Variants in CDH4 observed in about 807,000 individuals in gnomAD.
CDH4 encodes cadherin 4.
A neutral mutation model predicts 86.0 loss-of-function variants in CDH4; 33 were observed. That is an observed-to-expected ratio of 0.38 (90% CI 0.29 to 0.51). The LOEUF (loss-of-function observed/expected upper bound fraction) is 0.51. CDH4 is among the 20% of genes least tolerant of loss of function. The pLI is 0.86. For synonymous variants in CDH4, 555 were observed against 549.4 expected (o/e 1.01, Z -0.14); for missense variants, 1,114 against 1,307.4 (o/e 0.85, Z 2.28).
chr20:61,720,990 G>A (rs1003483007), intron 2 of CDH4, among the ~76,000 whole-genome samples: 9 of 152,244 alleles, frequency 5.9e-5, no homozygotes, highest in South Asian at 2.1e-4. Context: ...CCGACGTTCC[G>A]AGGGTTCAGC....
intron 2 of CDH4, among the ~76,000 whole-genome samples, chr20:61,356,659 G>C (rs1321656866): frequency 6.6e-6 from 1 of 152,160 alleles, no homozygotes; most frequent in African/African-American, 2.4e-5. Flanking sequence ...TTTTAATTAG[G>C]ATTGTAACAA....
intron 2 of CDH4, among the ~76,000 whole-genome samples, 176 bp from the exon 3 acceptor site, chr20:61,743,387 T>A (rs2088367603): frequency 6.6e-6 from 1 of 152,184 alleles, no homozygotes; most frequent in Non-Finnish European, 1.5e-5. Context: ...CTCTGGCTAA[T>A]TCTCTAGGGG....
intron 8 of CDH4, among the ~76,000 whole-genome samples, chr20:61,901,504 G>A (rs536408894): frequency 9.8e-5 from 15 of 152,392 alleles, no homozygotes; most frequent in Admixed American, 2.6e-4. Flanking sequence ...GTCGGGGGGC[G>A]CAGCAGACCA....
In CDH4 at chr20:61,482,186, G is replaced by A. The variant is rs554523869; in HGVS notation, c.169+227249G>A. On this transcript the variant is annotated intron_variant, in intron 2 of 15. Transcript: ENST00000614565. ...GCAAAGTGCAGATTAATGGAGGCACGGTTCTGTAGGGCCCGGAAGAAGCCA... is the reference window on the plus strand; with the variant it reads ...GCAAAGTGCAGATTAATGGAGGCACAGTTCTGTAGGGCCCGGAAGAAGCCA... 2.6e-5 allele frequency among the ~76,000 whole-genome samples: 4 copies of A among 152,322 alleles called. No homozygotes were observed. In the South Asian group the frequency reaches 6.2e-4, roughly 24 times the overall value.
At chr20:61,849,478 A>G (rs1405608000) in intron 5 of CDH4, among the ~76,000 whole-genome samples, 2 of 152,148 alleles carry the variant, frequency 1.3e-5, no homozygotes, top group Admixed American at 6.5e-5. Context: ...TCCGGGTCTC[A>G]CCAGGCCAAA....
intron 2 of CDH4, among the ~76,000 whole-genome samples, chr20:61,457,038 G>T (rs2085410491): frequency 6.6e-6 from 1 of 152,182 alleles, no homozygotes; most frequent in Non-Finnish European, 1.5e-5. Context: ...TCTCCTTTCA[G>T]AGCGTGAATT....
chr20:61,830,822 C>T (rs896049658), intron 4 of CDH4, among the ~76,000 whole-genome samples: 1 of 152,202 alleles, frequency 6.6e-6, no homozygotes, highest in Non-Finnish European at 1.5e-5. Context: ...TGCTCTTGGT[C>T]GCACGTGCTG....
At chr20:61,296,081 GAGA>G (rs781567791) in intron 2 of CDH4, among the ~76,000 whole-genome samples, 12 of 152,282 alleles carry the variant, frequency 7.9e-5, no homozygotes, top group African/African-American at 2.4e-4. Context: ...AGTGGCCTGC[GAGA>G]AGGAGAGCGG....
chr20:61,414,248 C>T (rs1377285900), intron 2 of CDH4, among the ~76,000 whole-genome samples: 2 of 152,336 alleles, frequency 1.3e-5, no homozygotes, highest in Non-Finnish European at 2.9e-5. Context: ...GGTTTCCCAG[C>T]GTGAATGACC....
At chr20:61,531,472 CAA>C (rs956436259) in intron 2 of CDH4, among the ~76,000 whole-genome samples, 19 of 44,096 alleles carry the variant, frequency 4.3e-4, no homozygotes, top group South Asian at 8.5e-4. Flanking sequence ...GACTGCATCT[CAA>C]AAAAAAAAAA....
In CDH4 at chr20:61,565,209, TGCTCTC is replaced by T. The variant is rs1568688404; in HGVS notation, c.170-178352_170-178347del. Among the ~76,000 whole-genome samples, 42 of 26,440 alleles carry T rather than the reference TGCTCTC, an allele frequency of 1.6e-3. 7 individuals carry two copies. Among genetic ancestry groups the T allele is most frequent in the African/African-American group, 5.1e-3 (29 of 5,674 alleles). The allele number at this position is 26,440 out of a possible 152,430, so 17.3% of individuals were successfully genotyped here. On this transcript the variant is annotated intron_variant, in intron 2 of 15. Transcript: ENST00000614565. The stretch of plus-strand genomic sequence containing the variant: ...GTGGTCCTCTTGGTGGTGGTCGCGG[TGCTCTC>T]GGTGGTAGGTGGTGGTGGTGGTGGT...
chr20:61,326,467 C>T (rs6015949), intron 2 of CDH4, among the ~76,000 whole-genome samples: 53,594 of 152,084 alleles, frequency 0.35, 9,637 homozygotes, highest in Middle Eastern at 0.49. Flanking sequence ...ACATTTTAGT[C>T]AATCAATGGT....
At chr20:61,508,283 A>G (rs1432346181) in intron 2 of CDH4, among the ~76,000 whole-genome samples, 2 of 152,180 alleles carry the variant, frequency 1.3e-5, no homozygotes, top group African/African-American at 2.4e-5. Context: ...TTGGGTCTTA[A>G]TGCTCACAGT....
At chr20:61,656,516 A>T (rs563660541) in intron 2 of CDH4, among the ~76,000 whole-genome samples, 1 of 152,078 alleles carries the variant, frequency 6.6e-6, no homozygotes, top group Non-Finnish European at 1.5e-5. Flanking sequence ...GTGCATGGCC[A>T]GTGTGGTCAG....
chr20:61,869,858 G>A (rs1983720748), intron 6 of CDH4, among the ~76,000 whole-genome samples: 1 of 152,218 alleles, frequency 6.6e-6, no homozygotes, highest in Non-Finnish European at 1.5e-5. Flanking sequence ...GAGATCAGCT[G>A]GAAATGCCAC....
At chr20:61,493,337 G>C (rs1400622460) in intron 2 of CDH4, among the ~76,000 whole-genome samples, 1 of 152,130 alleles carries the variant, frequency 6.6e-6, no homozygotes, top group Non-Finnish European at 1.5e-5. Context: ...AGATCTGTTT[G>C]GCTTCTCCTG....
intron 2 of CDH4, among the ~76,000 whole-genome samples, chr20:61,443,634 C>T (rs1226339535): frequency 6.6e-6 from 1 of 152,210 alleles, no homozygotes; most frequent in African/African-American, 2.4e-5. Context: ...AAGCTGGAAG[C>T]TGCTGGAGCA....
intron 4 of CDH4, among the ~76,000 whole-genome samples, chr20:61,777,107 G>A (rs958021388): frequency 2.0e-5 from 3 of 152,050 alleles, no homozygotes; most frequent in African/African-American, 7.2e-5. Context: ...ATAGTGCTTG[G>A]TGTGAACTGG....
chr20:61,733,652 G>T (rs546763924), intron 2 of CDH4, among the ~76,000 whole-genome samples: 118 of 124,520 alleles, frequency 9.5e-4, no homozygotes, highest in African/African-American at 2.9e-3. Flanking sequence ...ATGAATGGAA[G>T]GAAGGAAGGA....
Sources: gnomAD v4.1 joint callset for allele counts (sites outside exome capture counted in the v4.1 genomes callset) on GRCh38, gnomAD v4.1.1 for gene constraint, MANE v1.5 for transcripts, NCBI Gene and HGNC (gene_info 2026-07-23, HGNC 2026-07-21) for gene names.